AACS: variants seen among roughly 807,000 people sequenced by gnomAD.
AACS encodes the protein acetoacetyl-CoA synthetase.
Under a neutral mutation model 83.1 loss-of-function variants are expected in AACS, and 69 were observed. The ratio of observed to expected loss-of-function variants is 0.83; its 90% CI spans 0.68 to 1.01. AACS has a LOEUF of 1.01. Ranked by LOEUF, AACS falls within the 50% of genes least tolerant of loss-of-function variation. The pLI, the probability that AACS is intolerant of heterozygous loss-of-function variation, is 0.00. For missense variants in AACS, 866 were observed against 882.2 expected, an observed-to-expected ratio of 0.98 and a Z score of 0.23; for synonymous variants, 333 against 343.4, an observed-to-expected ratio of 0.97 and a Z score of 0.33.
intron 10 of AACS, among the ~76,000 whole-genome samples, chr12:125,119,268 G>A (rs1006816992): frequency 5.3e-5 from 8 of 152,218 alleles, no homozygotes; most frequent in South Asian, 2.1e-4. Flanking sequence ...ATAGTACGGC[G>A]TTGTCAGCTG....
Position 125,142,073 on chromosome 12 carries a change from T to C in AACS, c.1882-19T>C, listed in dbSNP as rs1480064119. ...CCTTCAGGTTTAAATGTTCCTGTTT[T>C]TCTACCTTTCCCTCGCAGTATACGC... On this transcript the variant is annotated intron_variant, in intron 17 of 17. Coordinates refer to ENST00000316519, the MANE Select transcript of AACS (RefSeq NM_023928.5). 1.9e-6 allele frequency: 3 copies of C among 1,613,750 alleles called. No homozygotes were observed. In the Admixed American group the frequency reaches 5.0e-5, roughly 27 times the overall value.
chr12:125,081,842 C>T (rs73421883), intron 3 of AACS, among the ~76,000 whole-genome samples: 1 of 150,706 alleles, frequency 6.6e-6, no homozygotes, highest in Non-Finnish European at 1.5e-5. Flanking sequence ...GAAGGGCAGA[C>T]GCGTACAACT....
intron 3 of AACS, chr12:125,078,421 G>A (rs1022122822): frequency 6.9e-6 from 3 of 431,988 alleles, no homozygotes; most frequent in East Asian, 7.1e-5. Context: ...ACATGGTCAT[G>A]GCAGAGTAGA....
rs544027171 is a variant in AACS, at chr12:125,119,083, A to G, written c.1121+318A>G. Among the ~76,000 whole-genome samples the G allele has an allele frequency of 2.0e-5, 3 of 152,284 alleles. No homozygotes were observed. The East Asian group carries it at 5.8e-4, about 29-fold the overall frequency. ...ATTTTGAAGGTTATTTTTTAGTAAA[A>G]ATGGTATGTATCGTAAGGCACGCGG... On this transcript the variant is annotated intron_variant, in intron 10 of 17. Transcript: ENST00000316519.
chr12:125,142,902 T>C lies in AACS; in HGVS notation c.*673T>C, dbSNP rs372685017. 5.2e-5 allele frequency: 8 copies of C among 152,424 alleles called. No individual in the cohort carries two copies. In the East Asian group the frequency reaches 1.4e-3, roughly 26 times the overall value. 9.4% of individuals were successfully genotyped at this position (152,424 alleles called of 1,614,324 possible). The stretch of plus-strand genomic sequence containing the variant: ...CTTTATTGCACAGACTGAATGGCTT[T>C]ACATGTTTCTAATGTGAATTAGGCA... On this transcript the variant is annotated 3_prime_UTR_variant, in exon 18 of 18. Transcript: ENST00000316519.
chr12:125,118,911 AG>A (rs1394842293), intron 10 of AACS, 146 bp downstream of exon 10: 26 of 1,257,156 alleles, frequency 2.1e-5, no homozygotes, highest in Non-Finnish European at 2.8e-5. Context: ...CCTCTCCAAG[AG>A]GAGGGCATGG....
Position 125,080,307 on chromosome 12 carries a change from C to T in AACS, c.358+3696C>T, listed in dbSNP as rs7312602. ...CCTGGTTTCTCCTGTAAAGTGGGAA[C>T]GGTCAAATGTGAATCCTTAAAAAAA... On this transcript the variant is annotated intron_variant, in intron 3 of 17. Coordinates refer to ENST00000316519, the MANE Select transcript of AACS (RefSeq NM_023928.5). Among the ~76,000 whole-genome samples, 1,377 of 152,262 alleles carry T rather than the reference C, an allele frequency of 9.0e-3. 19 individuals are homozygous for T. Among genetic ancestry groups the T allele is most frequent in the African/African-American group, 0.032 (1,318 of 41,538 alleles).
chr12:125,084,632 G>A (rs953834859), intron 3 of AACS, among the ~76,000 whole-genome samples: 6 of 150,908 alleles, frequency 4.0e-5, no homozygotes, highest in Non-Finnish European at 5.9e-5. Flanking sequence ...AGGCTGGAGT[G>A]CAGTGGTGTG....
chr12:125,065,610 G>C lies in AACS; in HGVS notation c.26G>C (p.Arg9Pro). 5.2e-6 allele frequency: 8 copies of C among 1,534,616 alleles called. No individual in the cohort carries two copies. The highest frequency in any genetic ancestry group is 7.0e-6 in the Non-Finnish European group (8 of 1,139,814). The change falls in exon 1 of 18, where the codon CGG becomes CCG. Residue 9 changes from arginine to proline, a missense_variant. By Grantham distance (103) the Arg-to-Pro change is moderately radical. Coordinates refer to ENST00000316519, the MANE Select transcript of AACS (RefSeq NM_023928.5). MSKEERPG[R>P]EEILECQVMW... is the part of the protein sequence containing the mutation. ...ATGTCCAAGGAGGAGCGCCCCGGTCGGGAGGAGATCCTGGAGTGCCAGGTG... is the reference window on the plus strand; with the variant it reads ...ATGTCCAAGGAGGAGCGCCCCGGTCCGGAGGAGATCCTGGAGTGCCAGGTG...
chr12:125,098,367 C>G (rs577708340), intron 5 of AACS, among the ~76,000 whole-genome samples: 2 of 151,590 alleles, frequency 1.3e-5, no homozygotes, highest in Non-Finnish European at 2.9e-5. Context: ...GTACTCTAGC[C>G]TGGGTGACAG....
intron 10 of AACS, 137 bp downstream of exon 10, chr12:125,118,902 C>G: frequency 7.6e-7 from 1 of 1,317,270 alleles, no homozygotes; most frequent in Non-Finnish European, 1.0e-6. Flanking sequence ...TGGACGCCCC[C>G]TCTCCAAGAG....
intron 16 of AACS, 112 bp from the exon 17 acceptor site, chr12:125,136,549 TG>T: frequency 1.3e-6 from 1 of 793,740 alleles, no homozygotes; most frequent in Non-Finnish European, 2.0e-6. Flanking sequence ...CAGGCACCGC[TG>T]GAAGGCTTGG....
At chr12:125,099,063 C>A (rs900541116) in intron 5 of AACS, among the ~76,000 whole-genome samples, 3 of 152,208 alleles carry the variant, frequency 2.0e-5, no homozygotes, top group Non-Finnish European at 4.4e-5. Context: ...CTGCCAGATA[C>A]CTTTTGTCAG....
rs1367277164 is a variant in AACS at position 125,128,238 on chromosome 12, A to G, written c.1387A>G (p.Asn463Asp). Residue 463 changes from asparagine to aspartate, a missense_variant, in exon 13 of 18, where the codon AAC becomes GAC. Asn to Asp is a conservative substitution (Grantham distance 23). Coordinates refer to ENST00000316519, the MANE Select transcript of AACS (RefSeq NM_023928.5). ...GTATAAAGGGGAGATTCAGGCCCGGAACCTGGGCATGGCCGTGGAAGCGTG... is the reference window on the plus strand; with the variant it reads ...GTATAAAGGGGAGATTCAGGCCCGGGACCTGGGCATGGCCGTGGAAGCGTG... ...PVYKGEIQAR[N>D]LGMAVEAWNE... 8.7e-6 allele frequency: 14 copies of G among 1,613,092 alleles called. No homozygotes were observed. The highest frequency in any genetic ancestry group is 1.2e-5 in the Non-Finnish European group (14 of 1,179,382).
chr12:125,107,148 C>A lies in AACS; in HGVS notation c.795C>A (p.Thr265=). Residue 265 remains threonine, a synonymous_variant, in exon 8 of 18, where the codon ACC becomes ACA. Coordinates refer to ENST00000316519, the MANE Select transcript of AACS (RefSeq NM_023928.5). The part of the protein sequence containing the change: ...NSVFLDDFLA[T]GTSEQAPQLE... The stretch of plus-strand genomic sequence containing the variant: ...TGTTTCTGGATGACTTTCTTGCCAC[C>A]GGCACCAGTGAGCAGGCCCCGCAGC... 6.2e-7 allele frequency: 1 copy of A among 1,614,166 alleles called. No individual in the cohort carries two copies.
At chr12:125,086,259 A>G (rs1325586435) in intron 3 of AACS, 71 bp from the exon 4 acceptor site, 2 of 1,346,032 alleles carry the variant, frequency 1.5e-6, no homozygotes, top group African/African-American at 1.5e-5. Context: ...GGGATTTTTC[A>G]TTCAGTGTCT....
rs928670323 is a variant in AACS, at chr12:125,097,080, C to T, written c.570+5557C>T. Reference sequence around the variant, plus strand: ...GGGCAGGGTGTATGTTAGCATCAGACGCAAGGAGGGCTAGCCCTGGTGGCC... The same window carrying T: ...GGGCAGGGTGTATGTTAGCATCAGATGCAAGGAGGGCTAGCCCTGGTGGCC... On this transcript the variant is annotated intron_variant, in intron 5 of 17. Coordinates refer to ENST00000316519, the MANE Select transcript of AACS (RefSeq NM_023928.5). The surrounding 1 kb of genome is among the most constrained non-coding windows in gnomAD (Gnocchi z 4.3). Among the ~76,000 whole-genome samples the T allele has an allele frequency of 7.2e-5, 11 of 152,192 alleles. No homozygotes were observed. The highest frequency in any genetic ancestry group is 2.2e-4 in the African/African-American group (9 of 41,520).
intron 12 of AACS, 118 bp downstream of exon 12, chr12:125,125,142 C>T (rs1957227075): frequency 2.1e-6 from 3 of 1,445,924 alleles, no homozygotes; most frequent in Non-Finnish European, 2.8e-6. Flanking sequence ...AGCCAATACG[C>T]ACAGTCCCTT....
chr12:125,125,099 T>C, intron 12 of AACS, 75 bp downstream of exon 12: 1 of 1,593,264 alleles, frequency 6.3e-7, no homozygotes, highest in Non-Finnish European at 8.6e-7. Flanking sequence ...TGCCCAGTGC[T>C]TGGATTCATC....
Sources: gnomAD v4.1 joint callset for allele counts (sites outside exome capture counted in the v4.1 genomes callset) on GRCh38, gnomAD v4.1.1 for gene constraint, Gnocchi (gnomAD v3.1) non-coding constraint, MANE v1.5 for transcripts, NCBI Gene and HGNC (gene_info 2026-07-23, HGNC 2026-07-21) for gene names.